DYM: variants seen among roughly 807,000 people sequenced by gnomAD.
The protein encoded by DYM is dymeclin.
In DYM, 78 loss-of-function variants were observed where a neutral mutation model predicts 93.1. That is an observed-to-expected ratio of 0.84 (90% CI 0.70 to 1.01). The LOEUF (loss-of-function observed/expected upper bound fraction) is 1.01, where lower values mean the gene tolerates loss of function less well. Ranked by LOEUF, DYM falls within the 50% of genes least tolerant of loss-of-function variation. The pLI is 0.00. For missense variants in DYM, 789 were observed against 845.0 expected, an observed-to-expected ratio of 0.93 and a Z score of 0.82; for synonymous variants, 321 against 319.7, an observed-to-expected ratio of 1.00 and a Z score of -0.04.
At chr18:49,446,402 A>C (rs2082095944) in intron 1 of DYM, among the ~76,000 whole-genome samples, 1 of 152,220 alleles carries the variant, frequency 6.6e-6, no homozygotes, top group South Asian at 2.1e-4. Context: ...ACAATATACA[A>C]GTATTACTTT....
At chr18:49,168,924 T>C (rs2088279819) in intron 14 of DYM, among the ~76,000 whole-genome samples, 1 of 151,934 alleles carries the variant, frequency 6.6e-6, no homozygotes, top group Non-Finnish European at 1.5e-5. Context: ...TTCAAGGAAA[T>C]ACCCATAACT....
At chr18:49,340,072 T>C (rs1312300387) in intron 6 of DYM, among the ~76,000 whole-genome samples, 3 of 152,090 alleles carry the variant, frequency 2.0e-5, no homozygotes, top group Non-Finnish European at 2.9e-5. Flanking sequence ...TGCCTCAGCC[T>C]CTCGAGTAGC....
chr18:49,120,314 C>T (rs925773748), intron 15 of DYM, among the ~76,000 whole-genome samples: 1 of 152,086 alleles, frequency 6.6e-6, no homozygotes, highest in African/African-American at 2.4e-5. Flanking sequence ...TAAAAGCACA[C>T]CACCCAACTA....
intron 8 of DYM, among the ~76,000 whole-genome samples, chr18:49,289,727 G>GTGTATATATATATATATATA (rs1555678602): frequency 3.5e-5 from 3 of 85,072 alleles, no homozygotes; most frequent in Admixed American, 1.5e-4. Flanking sequence ...ATATATATGT[G>GTGTATATATATATATATATA]TATATATATA....
At chr18:49,223,604 G>C (rs180686328) in intron 13 of DYM, among the ~76,000 whole-genome samples, 8 of 152,116 alleles carry the variant, frequency 5.3e-5, no homozygotes, top group Admixed American at 1.3e-4. Flanking sequence ...TAATATTCTT[G>C]AGTGGACAAA....
At chr18:49,233,188 C>T (rs532482354) in intron 13 of DYM, among the ~76,000 whole-genome samples, 16 of 151,764 alleles carry the variant, frequency 1.1e-4, no homozygotes, top group African/African-American at 3.9e-4. Flanking sequence ...TGGTGAAACC[C>T]CATCTCTACT....
intron 8 of DYM, among the ~76,000 whole-genome samples, chr18:49,296,491 C>T (rs1387541984): frequency 2.6e-5 from 4 of 151,996 alleles, no homozygotes; most frequent in Admixed American, 6.6e-5. Context: ...GCCCTACCCA[C>T]GCAGCTTCAG....
rs11437833 is a variant in DYM, at chr18:49,085,606, CT to C, written c.2025+11795del. On this transcript the variant is annotated intron_variant, in intron 17 of 17. Coordinates refer to ENST00000675505, the MANE Select transcript of DYM (RefSeq NM_001353214.3). ...GGCAGATGAATAAGGACAACTGGTC[CT>C]TTTTTTTTTTTTTTTTTTTTGATGG... Among the ~76,000 whole-genome samples, 209 of 102,170 alleles carry C rather than the reference CT, an allele frequency of 2.0e-3. 1 individual carries two copies. The highest frequency in any genetic ancestry group is 6.0e-3 in the African/African-American group (168 of 27,770). The allele number at this position is 102,170 out of a possible 152,430, so 67.0% of individuals were successfully genotyped here.
intron 13 of DYM, among the ~76,000 whole-genome samples, chr18:49,245,639 T>C (rs1439083847): frequency 6.6e-6 from 1 of 152,200 alleles, no homozygotes; most frequent in East Asian, 1.9e-4. Flanking sequence ...AAGATGTTTA[T>C]CAAGACAATG....
intron 14 of DYM, among the ~76,000 whole-genome samples, chr18:49,171,067 A>T (rs1224947640): frequency 6.6e-6 from 1 of 152,162 alleles, no homozygotes; most frequent in Non-Finnish European, 1.5e-5. Context: ...ACAAGGAAAC[A>T]AATCAGTGGT....
At chr18:49,161,657 C>T (rs961365499) in intron 15 of DYM, among the ~76,000 whole-genome samples, 1 of 152,124 alleles carries the variant, frequency 6.6e-6, no homozygotes, top group African/African-American at 2.4e-5. Context: ...TTAGAACATT[C>T]AACTTAACAG....
At chr18:49,214,682 G>C (rs572298124) in intron 13 of DYM, among the ~76,000 whole-genome samples, 1 of 152,234 alleles carries the variant, frequency 6.6e-6, no homozygotes, top group South Asian at 2.1e-4. Context: ...TATGATATTT[G>C]ACATGAGAAA....
chr18:49,371,439 C>T (rs114130560), intron 5 of DYM, among the ~76,000 whole-genome samples: 6,416 of 152,190 alleles, frequency 0.042, 474 homozygotes, highest in African/African-American at 0.15. Flanking sequence ...TGCCACTGCA[C>T]TCTAGCCTGA....
At chr18:49,052,217 A>T (rs578015901) in intron 17 of DYM, among the ~76,000 whole-genome samples, 1 of 152,218 alleles carries the variant, frequency 6.6e-6, no homozygotes, top group Non-Finnish European at 1.5e-5. Context: ...GGCATAAATC[A>T]TAAAAGAATT....
intron 1 of DYM, among the ~76,000 whole-genome samples, chr18:49,450,772 T>C (rs1184309685): frequency 1.3e-5 from 2 of 152,244 alleles, no homozygotes; most frequent in East Asian, 3.8e-4. Flanking sequence ...GTATATACTA[T>C]CAATCATAAT....
At chr18:49,272,088 A>G (rs2145533787) in intron 11 of DYM, 90 bp downstream of exon 11, 1 of 1,192,832 alleles carries the variant, frequency 8.4e-7, no homozygotes, top group Non-Finnish European at 1.2e-6. Flanking sequence ...AGGAACATCT[A>G]CCAGAAAGAA....
chr18:49,412,350 T>TC (rs1321930443), intron 2 of DYM, among the ~76,000 whole-genome samples: 1 of 152,046 alleles, frequency 6.6e-6, no homozygotes, highest in Non-Finnish European at 1.5e-5. Flanking sequence ...AGGATATATT[T>TC]CCCCCATTTA....
At chr18:49,081,526 G>GGGAGACCGAGA (rs1178585362) in intron 17 of DYM, among the ~76,000 whole-genome samples, 1 of 1,464 alleles carries the variant, frequency 6.8e-4, no homozygotes, top group African/African-American at 1.0e-3. Context: ...GAGAGGGAGA[G>GGGAGACCGAGA]GGGAGAGGGG....
At chr18:49,080,326 G>A (rs1275841950) in intron 17 of DYM, among the ~76,000 whole-genome samples, 2 of 138,378 alleles carry the variant, frequency 1.4e-5, no homozygotes, top group Non-Finnish European at 1.6e-5. Context: ...GTGGCTGGCC[G>A]GGCGGGGGGC....
Sources: allele counts gnomAD v4.1 joint callset (sites outside exome capture counted in the v4.1 genomes callset), GRCh38; gene constraint gnomAD v4.1.1; transcripts MANE v1.5; gene names NCBI Gene and HGNC (gene_info 2026-07-23, HGNC 2026-07-21).